The following PRKD3 variants were observed in gnomAD, a reference collection of about 807,000 sequenced individuals.
PRKD3 encodes the protein serine/threonine-protein kinase D3.
PRKD3 carries 47 observed loss-of-function variants against 99.2 expected under a neutral mutation model. That is an observed-to-expected ratio of 0.47 (90% CI 0.38 to 0.60). PRKD3 has a LOEUF of 0.60. Among genes scored for constraint, PRKD3 ranks in the 20% least tolerant of loss-of-function variants. The pLI is 0.00. For missense variants in PRKD3, 1,019 were observed against 1,088.4 expected, an observed-to-expected ratio of 0.94 and a Z score of 0.90; for synonymous variants, 392 against 355.4, an observed-to-expected ratio of 1.10 and a Z score of -1.16.
chr2:37,269,910 A>T (rs1397719136), intron 12 of PRKD3, among the ~76,000 whole-genome samples: 1 of 152,012 alleles, frequency 6.6e-6, no homozygotes, highest in Non-Finnish European at 1.5e-5. Context: ...GACTTTCAGG[A>T]AAAAAATGCT....
chr2:37,308,749 C>T (rs998926443), intron 2 of PRKD3, among the ~76,000 whole-genome samples: 6 of 152,132 alleles, frequency 3.9e-5, no homozygotes, highest in African/African-American at 1.4e-4. Flanking sequence ...GCCAACGCGC[C>T]CAGCTAGTGT....
At chr2:37,290,823 G>A (rs575884385) in intron 4 of PRKD3, 45 bp downstream of exon 4, 1 of 1,521,544 alleles carries the variant, frequency 6.6e-7, no homozygotes, top group Admixed American at 1.9e-5. Context: ...AAATGCAAAT[G>A]TGGAATCTTA....
intron 2 of PRKD3, among the ~76,000 whole-genome samples, chr2:37,308,432 A>G (rs1393831989): frequency 1.3e-5 from 2 of 151,756 alleles, no homozygotes; most frequent in African/African-American, 2.4e-5. Context: ...TTGGTGTCAT[A>G]TTTTTCTTTT....
At chr2:37,266,539 T>A (rs998599999) in intron 14 of PRKD3, among the ~76,000 whole-genome samples, 4 of 150,862 alleles carry the variant, frequency 2.7e-5, no homozygotes, top group Admixed American at 6.7e-5. Flanking sequence ...CAGGCTGGAG[T>A]GCAATGGCAC....
At chr2:37,282,680 TAG>T (rs1169499183) in intron 6 of PRKD3, 61 bp from the exon 7 acceptor site, 3 of 1,137,406 alleles carry the variant, frequency 2.6e-6, no homozygotes, top group Non-Finnish European at 2.6e-6. Context: ...CAGATATGGT[TAG>T]ACTTTCTTTA....
chr2:37,275,082 T>C (rs1558544026), intron 10 of PRKD3, among the ~76,000 whole-genome samples: 1 of 152,174 alleles, frequency 6.6e-6, no homozygotes, highest in African/African-American at 2.4e-5. Flanking sequence ...GCAGAAATAA[T>C]GGCAGAAAAA....
Position 37,286,202 on chromosome 2 carries a change from G to C in PRKD3, c.885C>G (p.Leu295=), listed in dbSNP as rs2148565621. ...CTTTACACTGCATTCCTTGGCGAAAGAGGCCTTTCAGTAACCGCTTGCAGT... is the reference window on the plus strand; with the variant it reads ...CTTTACACTGCATTCCTTGGCGAAACAGGCCTTTCAGTAACCGCTTGCAGT... ...CQYCKRLLKG[L]FRQGMQCKDC... Residue 295 remains leucine, a synonymous_variant, in exon 6 of 19, where the codon CTC becomes CTG. Coordinates refer to ENST00000234179, the MANE Select transcript of PRKD3 (RefSeq NM_005813.6). 1.2e-6 allele frequency: 2 copies of C among 1,613,258 alleles called. No individual in the cohort carries two copies. Among genetic ancestry groups the C allele is most frequent in the Non-Finnish European group, 1.7e-6 (2 of 1,179,478 alleles).
At chr2:37,271,362 T>A (rs1054034295) in intron 12 of PRKD3, among the ~76,000 whole-genome samples, 2 of 152,194 alleles carry the variant, frequency 1.3e-5, no homozygotes, top group Non-Finnish European at 2.9e-5. Context: ...TTCTGTGACA[T>A]GTAAATATTA....
At chr2:37,291,026 C>T (rs369560289) in intron 3 of PRKD3, 27 bp from the exon 4 acceptor site, 3 of 1,578,108 alleles carry the variant, frequency 1.9e-6, no homozygotes, top group African/African-American at 2.7e-5. Flanking sequence ...TATTACAATA[C>T]ACGTTGTATT....
chr2:37,317,555 A>C lies in PRKD3; in HGVS notation c.-655-376T>G, dbSNP rs192732670. Among the ~76,000 whole-genome samples the C allele has an allele frequency of 1.7e-4, 26 of 152,244 alleles. No individual in the cohort carries two copies. In the East Asian group the frequency reaches 4.8e-3, roughly 28 times the overall value. On this transcript the variant is annotated intron_variant, in intron 1 of 18. Transcript: ENST00000234179. The stretch of plus-strand genomic sequence containing the variant: ...AAACTGACATTTTCATAGACATACA[A>C]TACATGCCACCCCACCACACAAAAG...
chr2:37,322,180 AGTCCAT>A (rs1671914592), intron 1 of PRKD3, among the ~76,000 whole-genome samples: 1 of 152,150 alleles, frequency 6.6e-6, no homozygotes, highest in South Asian at 2.1e-4. Context: ...AGCGTCCTAA[AGTCCAT>A]GTCCATGTTT....
chr2:37,253,549 G>C (rs553484547), intron 18 of PRKD3, 199 bp from the exon 19 acceptor site: 109 of 482,270 alleles, frequency 2.3e-4, no homozygotes, highest in Admixed American at 1.3e-3. Flanking sequence ...TTCAAACTCA[G>C]AGTCTCCAAT....
At chr2:37,261,684 G>A (rs1224056320) in intron 14 of PRKD3, among the ~76,000 whole-genome samples, 1 of 152,204 alleles carries the variant, frequency 6.6e-6, no homozygotes, top group Admixed American at 6.5e-5. Flanking sequence ...GGAGGCTGAG[G>A]CAGGAGAATT....
intron 5 of PRKD3, among the ~76,000 whole-genome samples, chr2:37,288,885 C>G (rs1431328336): frequency 6.6e-6 from 1 of 152,020 alleles, no homozygotes; most frequent in East Asian, 1.9e-4. Context: ...GAAACCTCAT[C>G]TCTACTAAAC....
intron 14 of PRKD3, among the ~76,000 whole-genome samples, chr2:37,265,986 A>G (rs1290816715): frequency 6.6e-6 from 1 of 152,218 alleles, no homozygotes; most frequent in Non-Finnish European, 1.5e-5. Context: ...TTCGCTTACT[A>G]GTTGGACAAT....
chr2:37,323,211 C>G (rs749771047), intron 1 of PRKD3, among the ~76,000 whole-genome samples: 46 of 149,400 alleles, frequency 3.1e-4, no homozygotes, highest in Non-Finnish European at 6.1e-4. Context: ...AAAAGACTTA[C>G]CATTATCTAG....
intron 14 of PRKD3, among the ~76,000 whole-genome samples, chr2:37,265,307 C>A (rs1436926197): frequency 6.6e-6 from 1 of 152,142 alleles, no homozygotes; most frequent in Non-Finnish European, 1.5e-5. Context: ...AGCTGTGATG[C>A]TCACATAACT....
rs1667759330 is a variant in PRKD3 at position 37,254,276 on chromosome 2, T to C, written c.2427A>G (p.Ile809Met). The change falls in exon 18 of 19, where the codon ATA (isoleucine) becomes ATG (methionine). Residue 809 changes from isoleucine (I) to methionine (M), a missense_variant. This residue lies in a region of PRKD3 where 125 missense variants were observed against 120.6 expected (regional missense o/e 1.04). Coordinates refer to ENST00000234179, the MANE Select transcript of PRKD3 (RefSeq NM_005813.6). Reference protein sequence around the residue: ...REISGEAIDLINNLLQVKMRK... With the variant: ...REISGEAIDLMNNLLQVKMRK... Reference sequence around the variant, plus strand: ...TCATCTTCACTTGAAGCAGATTGTTTATCAGATCAATTGCTAAGGGAAAAG... The same window carrying C: ...TCATCTTCACTTGAAGCAGATTGTTCATCAGATCAATTGCTAAGGGAAAAG... 6.2e-7 allele frequency: 1 copy of C among 1,612,932 alleles called. No individual in the cohort carries two copies. The highest frequency in any genetic ancestry group is 8.5e-7 in the Non-Finnish European group (1 of 1,179,074).
rs749269791 is a variant in PRKD3, at chr2:37,259,698, T to C, written c.2047-17A>G. ...AACAAGTATCTGTTATGAAAAAAGA[T>C]TTTCTTTTCAATGTCTGGAAAATCA... On this transcript the variant is annotated splice_polypyrimidine_tract_variant and intron_variant, in intron 15 of 18. Transcript: ENST00000234179. 2 of 1,568,310 alleles carry C rather than the reference T, an allele frequency of 1.3e-6. No individual in the cohort carries two copies. The highest frequency in any genetic ancestry group is 1.8e-6 in the Non-Finnish European group (2 of 1,141,732).
Sources: allele counts gnomAD v4.1 joint callset (sites outside exome capture counted in the v4.1 genomes callset), GRCh38; gene constraint gnomAD v4.1.1; regional missense constraint gnomAD v4.1.1; transcripts MANE v1.5; gene names NCBI Gene and HGNC (gene_info 2026-07-23, HGNC 2026-07-21).